COL5A1: variants seen among roughly 807,000 people sequenced by gnomAD.
COL5A1 encodes collagen type V alpha 1 chain.
COL5A1 carries 16 observed loss-of-function variants against 263.7 expected under a neutral mutation model. The ratio of observed to expected loss-of-function variants is 0.06; its 90% CI spans 0.04 to 0.09. The LOEUF (loss-of-function observed/expected upper bound fraction) is 0.09, where lower values mean the gene tolerates loss of function less well. Among genes scored for constraint, COL5A1 ranks in the 10% least tolerant of loss-of-function variants. COL5A1 has a pLI of 1.00. For missense variants in COL5A1, 2,036 were observed against 2,540.5 expected (o/e 0.80, Z 4.27); for synonymous variants, 1,012 against 1,004.5 (o/e 1.01, Z -0.14).
chr9:134,677,057 C>G lies in COL5A1; in HGVS notation c.110-13855C>G, dbSNP rs369208812. Among the ~76,000 whole-genome samples the G allele has an allele frequency of 2.3e-4, 35 of 152,248 alleles. No homozygotes were observed. In the East Asian group the frequency reaches 2.5e-3, roughly 11 times the overall value. On this transcript the variant is annotated intron_variant, in intron 1 of 65. Coordinates refer to ENST00000371817, the MANE Select transcript of COL5A1 (RefSeq NM_000093.5). The surrounding 1 kb of genome is among the most constrained non-coding windows in gnomAD (Gnocchi z 4.4). The stretch of plus-strand genomic sequence containing the variant: ...GGGCTTGGGGAGGCCATGGAGTGCT[C>G]TGGTTGTGGTTTGCTGGGGAGACAC...
At chr9:134,663,902 G>A (rs1158459035) in intron 1 of COL5A1, among the ~76,000 whole-genome samples, 3 of 152,232 alleles carry the variant, frequency 2.0e-5, no homozygotes, top group African/African-American at 7.2e-5. Context: ...GCTTGCTGTG[G>A]CGGGTCACCA....
In COL5A1 at chr9:134,652,540, C is replaced by T. The variant is rs1167171732; in HGVS notation, c.109+10244C>T. 1.3e-5 allele frequency among the ~76,000 whole-genome samples: 2 copies of T among 152,100 alleles called. No individual in the cohort carries two copies. Among genetic ancestry groups the T allele is most frequent in the African/African-American group, 2.4e-5 (1 of 41,404 alleles). ...ATGTCTGGAGATGTTTTCTGATTGTCGCACCTGGGGTGGGGGCAGGGCTAT... is the reference window on the plus strand; with the variant it reads ...ATGTCTGGAGATGTTTTCTGATTGTTGCACCTGGGGTGGGGGCAGGGCTAT... On this transcript the variant is annotated intron_variant, in intron 1 of 65. Coordinates refer to ENST00000371817, the MANE Select transcript of COL5A1 (RefSeq NM_000093.5). This position sits in a 1 kb window ranked among gnomAD's most constrained non-coding sequence, Gnocchi z 4.4.
intron 25 of COL5A1, among the ~76,000 whole-genome samples, chr9:134,769,697 G>A (rs1013056169): frequency 6.6e-6 from 1 of 152,200 alleles, no homozygotes; most frequent in African/African-American, 2.4e-5. Context: ...CGGGGAGGAA[G>A]GGGACCTGGG....
In COL5A1 at chr9:134,741,146, G is replaced by T. The variant is rs1302039243; in HGVS notation, c.1494+2338G>T. On this transcript the variant is annotated intron_variant, in intron 11 of 65. Coordinates refer to ENST00000371817, the MANE Select transcript of COL5A1 (RefSeq NM_000093.5). This position sits in a 1 kb window ranked among gnomAD's most constrained non-coding sequence, Gnocchi z 4.5. ...GCTAATCAGCTGTGAAAGATCACTG[G>T]CTATGGGGTGAGGCCCTGCAGTGCA... Among the ~76,000 whole-genome samples, 2 of 152,226 alleles carry T rather than the reference G, an allele frequency of 1.3e-5. No homozygotes were observed. Among genetic ancestry groups the T allele is most frequent in the Non-Finnish European group, 2.9e-5 (2 of 68,048 alleles).
In COL5A1 at chr9:134,700,662, T is replaced by C. The variant is rs912106725; in HGVS notation, c.492-509T>C. On this transcript the variant is annotated intron_variant, in intron 3 of 65. Transcript: ENST00000371817. This position sits in a 1 kb window ranked among gnomAD's most constrained non-coding sequence, Gnocchi z 4.0. ...TGATTTCTGAATTCTTCGCCAAGAC[T>C]TTCAGACAGATCCACTCCTTCCACC... 6.6e-6 allele frequency among the ~76,000 whole-genome samples: 1 copy of C among 152,228 alleles called. No homozygotes were observed. Among genetic ancestry groups the C allele is most frequent in the Admixed American group, 6.5e-5 (1 of 15,288 alleles).
intron 18 of COL5A1, among the ~76,000 whole-genome samples, chr9:134,761,232 A>C (rs1836424835): frequency 7.2e-6 from 1 of 139,298 alleles, no homozygotes; most frequent in South Asian, 2.3e-4. Context: ...CACACACCCC[A>C]CATACCCCCA....
At chr9:134,643,989 G>A (rs189901940) in intron 1 of COL5A1, among the ~76,000 whole-genome samples, 2 of 152,252 alleles carry the variant, frequency 1.3e-5, no homozygotes, top group East Asian at 1.9e-4. Flanking sequence ...AGTGCGGCTC[G>A]TTGGAAGTGG....
rs1034696728 is a variant in COL5A1, at chr9:134,781,041, C to T, written c.2430+895C>T. 8.5e-5 allele frequency among the ~76,000 whole-genome samples: 13 copies of T among 152,270 alleles called. 1 individual carries two copies. The highest frequency in any genetic ancestry group is 8.3e-4 in the South Asian group (4 of 4,838). ...TGCGGGGCTGGAGTGCGGGTGCTGG[C>T]GTGATGGTCCACGTGCCGAGACTCC... On this transcript the variant is annotated intron_variant, in intron 28 of 65. Transcript: ENST00000371817.
At chr9:134,797,905 G>C (rs952327492) in intron 36 of COL5A1, among the ~76,000 whole-genome samples, 1 of 152,264 alleles carries the variant, frequency 6.6e-6, no homozygotes, top group Non-Finnish European at 1.5e-5. Flanking sequence ...TGAGGTCACA[G>C]GCACAGGTTC....
intron 7 of COL5A1, among the ~76,000 whole-genome samples, chr9:134,730,886 A>C (rs1834854683): frequency 1.3e-5 from 2 of 152,086 alleles, no homozygotes; most frequent in Non-Finnish European, 2.9e-5. Flanking sequence ...AAATACAGCG[A>C]AGCAGGAGCT....
intron 19 of COL5A1, 138 bp downstream of exon 19, chr9:134,762,116 G>A: frequency 1.2e-6 from 1 of 857,530 alleles, no homozygotes; most frequent in South Asian, 1.4e-5. Flanking sequence ...AAGGCAGATG[G>A]GGATTCCAGT....
chr9:134,838,767 A>AAAGATGGAAAG (rs1267405491), intron 65 of COL5A1, among the ~76,000 whole-genome samples: 5 of 152,322 alleles, frequency 3.3e-5, no homozygotes, highest in Non-Finnish European at 7.3e-5. Context: ...CTGACTTTGA[A>AAAGATGGAAAG]AAGATGGAGA....
Position 134,765,072 on chromosome 9 carries a change from G to A in COL5A1, c.2035-609G>A, listed in dbSNP as rs1366484177. On this transcript the variant is annotated intron_variant, in intron 20 of 65. Transcript: ENST00000371817. The surrounding 1 kb of genome is among the most constrained non-coding windows in gnomAD (Gnocchi z 5.1). ...CTCACTCCACCTGCGGTAAAGGGGAGGTTCTGCACGAGCCTCGCCGACCGG... is the reference window on the plus strand; with the variant it reads ...CTCACTCCACCTGCGGTAAAGGGGAAGTTCTGCACGAGCCTCGCCGACCGG... Among the ~76,000 whole-genome samples the A allele has an allele frequency of 6.6e-6, 1 of 152,060 alleles. No homozygotes were observed. The highest frequency in any genetic ancestry group is 1.9e-4 in the East Asian group (1 of 5,168).
At chr9:134,830,303 C>A in intron 64 of COL5A1, 2 of 941,392 alleles carry the variant, frequency 2.1e-6, no homozygotes, top group South Asian at 1.5e-5. Context: ...CTCCACATCA[C>A]GTGACAGCAA....
At chr9:134,746,966 G>T (rs1321906191) in intron 11 of COL5A1, among the ~76,000 whole-genome samples, 2 of 152,198 alleles carry the variant, frequency 1.3e-5, no homozygotes, top group East Asian at 3.8e-4. Context: ...TGACTTTGAG[G>T]TGTAGCCGTG....
intron 27 of COL5A1, among the ~76,000 whole-genome samples, chr9:134,779,143 C>T (rs905458076): frequency 3.9e-5 from 6 of 152,270 alleles, no homozygotes; most frequent in Admixed American, 1.3e-4. Flanking sequence ...CCTGGAATCC[C>T]GGTGCCGGGG....
chr9:134,814,619 C>T (rs1838668986), intron 49 of COL5A1, among the ~76,000 whole-genome samples, 178 bp from the exon 50 acceptor site: 1 of 152,202 alleles, frequency 6.6e-6, no homozygotes, highest in South Asian at 2.1e-4. Flanking sequence ...TCAGGGTGCA[C>T]ACAGGAGCTG....
Position 134,842,287 on chromosome 9 carries a change from C to G in COL5A1, c.5501C>G (p.Ala1834Gly). 1 of 1,614,208 alleles carries G rather than the reference C, an allele frequency of 6.2e-7. No individual in the cohort carries two copies. Among genetic ancestry groups the G allele is most frequent in the Non-Finnish European group, 8.5e-7 (1 of 1,180,030 alleles). The stretch of plus-strand genomic sequence containing the variant: ...AAATTTGGATTTGAAGTGGGGCCGG[C>G]TTGCTTCATGGGCTAGGAGCCGCCG... ...SQKFGFEVGP[A>G]CFMG The change falls in exon 66 of 66, where the codon GCT (alanine) becomes GGT (glycine). Residue 1834 changes from alanine to glycine, a missense_variant. Ala to Gly is a moderately conservative substitution (Grantham distance 60). This residue lies in a region of COL5A1 where 358 missense variants were observed against 384.6 expected (regional missense o/e 0.93). Transcript: ENST00000371817. This position sits in a 1 kb window ranked among gnomAD's most constrained non-coding sequence, Gnocchi z 5.8.
chr9:134,670,955 C>T lies in COL5A1; in HGVS notation c.110-19957C>T, dbSNP rs187361828. On this transcript the variant is annotated intron_variant, in intron 1 of 65. Transcript: ENST00000371817. ...CTTCCACACTGAAATACCACAAGGC[C>T]GGGAGGGAGCTGATGTCTGGAGGTG... is the stretch of plus-strand genomic sequence containing the variant. Among the ~76,000 whole-genome samples, 21 of 152,236 alleles carry T rather than the reference C, an allele frequency of 1.4e-4. No homozygotes were observed. In the East Asian group the frequency reaches 3.1e-3, roughly 22 times the overall value.
Sources: allele counts gnomAD v4.1 joint callset (sites outside exome capture counted in the v4.1 genomes callset), GRCh38; gene constraint gnomAD v4.1.1; regional missense constraint gnomAD v4.1.1; non-coding constraint Gnocchi (gnomAD v3.1); transcripts MANE v1.5; gene names NCBI Gene and HGNC (gene_info 2026-07-23, HGNC 2026-07-21).